The following GASK1B variants were observed in gnomAD, a reference collection of about 807,000 sequenced individuals.
GASK1B encodes the protein golgi associated kinase 1B, also known as Golgi-associated kinase 1B.
GASK1B carries 34 observed loss-of-function variants against 42.8 expected under a neutral mutation model. The ratio of observed to expected loss-of-function variants is 0.79; its 90% CI spans 0.60 to 1.06. The LOEUF is 1.06. Among genes scored for constraint, GASK1B ranks in the 50% least tolerant of loss-of-function variants. GASK1B has a pLI of 0.00. For missense variants in GASK1B, 686 were observed against 661.0 expected (o/e 1.04, Z -0.42); for synonymous variants, 262 against 259.1 (o/e 1.01, Z -0.11).
intron 3 of GASK1B, among the ~76,000 whole-genome samples, chr4:158,140,875 TCAC>T (rs892280534): frequency 3.9e-5 from 6 of 152,056 alleles, no homozygotes; most frequent in South Asian, 4.2e-4. Context: ...TCTAAAAAAT[TCAC>T]CACAAGGGTG....
intron 4 of GASK1B, among the ~76,000 whole-genome samples, chr4:158,129,170 C>T (rs983383906): frequency 8.5e-5 from 13 of 152,092 alleles, no homozygotes; most frequent in African/African-American, 3.1e-4. Context: ...CCCATTACTC[C>T]TCATAATGCA....
In GASK1B at chr4:158,170,786, T is replaced by G. The variant is rs1458091337; in HGVS notation, c.590A>C (p.Gln197Pro). The change falls in exon 2 of 5, where the codon CAG becomes CCG. Residue 197 changes from glutamine to proline, a missense_variant. By Grantham distance (76) the Gln-to-Pro change is moderately conservative (BLOSUM62 -1). Transcript: ENST00000585682. The part of the protein sequence containing the change: ...GVRAGGPDFL[Q>P]PSSRESNIRI... ...AATGTTGCTCTCCCTGGAGCTGGGC[T>G]GCAGGAAGTCTGGGCCCCCGGCTCG... 1.9e-6 allele frequency: 3 copies of G among 1,614,106 alleles called. No homozygotes were observed. The African/African-American group carries it at 4.0e-5, about 22-fold the overall frequency.
At position 158,130,685 on chromosome 4, in the gene GASK1B, C is replaced by T. The variant is rs551303679; in HGVS notation, c.1352+101G>A. The stretch of plus-strand genomic sequence containing the variant: ...CAGATTCCACATTCACAATTATTTT[C>T]AAGGGTTAAAATGATCAGATGTAAG... On this transcript the variant is annotated intron_variant, in intron 4 of 4. Coordinates refer to ENST00000585682, the MANE Select transcript of GASK1B (RefSeq NM_001128424.2). 36 of 897,206 alleles carry T rather than the reference C, an allele frequency of 4.0e-5. No individual in the cohort carries two copies. The East Asian group carries it at 8.4e-4, about 21-fold the overall frequency. The allele number at this position is 897,206 out of a possible 1,614,324, so 55.6% of individuals were successfully genotyped here.
Position 158,171,116 on chromosome 4 carries a change from T to C in GASK1B, c.260A>G (p.Asp87Gly), listed in dbSNP as rs762943186. The change falls in exon 2 of 5, where the codon GAT becomes GGT. Residue 87 changes from aspartate (D) to glycine (G), a missense_variant. Asp to Gly is a moderately conservative substitution (Grantham distance 94). Coordinates refer to ENST00000585682, the MANE Select transcript of GASK1B (RefSeq NM_001128424.2). ...GGACTCTGGAGGGGCCAGGGTACCA[T>C]CCAGGGGTATCTCAGGGAAGGATGG... ...AEPSFPEIPLDGTLAPPESQG... is the reference protein window; with the variant it reads ...AEPSFPEIPLGGTLAPPESQG... The C allele has an allele frequency of 6.2e-7, 1 of 1,609,340 alleles. No homozygotes were observed. The highest frequency in any genetic ancestry group is 1.1e-5 in the South Asian group (1 of 90,784).
Position 158,170,856 on chromosome 4 carries a change from T to C in GASK1B, c.520A>G (p.Lys174Glu), listed in dbSNP as rs1281644535. The change falls in exon 2 of 5, where the codon AAG (lysine) becomes GAG (glutamate). Residue 174 changes from lysine to glutamate, a missense_variant. Physicochemically the swap from Lys to Glu is moderately conservative, Grantham distance 56. Coordinates refer to ENST00000585682, the MANE Select transcript of GASK1B (RefSeq NM_001128424.2). ...PGYAQGANLVKIGERPWRLVR... is the reference protein window; with the variant it reads ...PGYAQGANLVEIGERPWRLVR... Reference sequence around the variant, plus strand: ...AACCTCCAGGGTCGCTCTCCAATCTTAACCAGGTTTGCTCCCTGAGCGTAC... The same window carrying C: ...AACCTCCAGGGTCGCTCTCCAATCTCAACCAGGTTTGCTCCCTGAGCGTAC... 3.1e-6 allele frequency: 5 copies of C among 1,614,224 alleles called. No individual in the cohort carries two copies. In the Admixed American group the frequency reaches 6.7e-5, roughly 22 times the overall value.
At chr4:158,142,657 T>C (rs1249788308) in intron 3 of GASK1B, among the ~76,000 whole-genome samples, 2 of 152,176 alleles carry the variant, frequency 1.3e-5, no homozygotes, top group African/African-American at 4.8e-5. Flanking sequence ...CATCAATAGC[T>C]GCTATTATCA....
At chr4:158,143,707 T>C (rs1482366816) in intron 3 of GASK1B, among the ~76,000 whole-genome samples, 1 of 152,114 alleles carries the variant, frequency 6.6e-6, no homozygotes, top group Non-Finnish European at 1.5e-5. Context: ...ATGTCATGAA[T>C]AAATATAGGC....
At chr4:158,154,033 GGCTTCT>G (rs1359782051) in intron 3 of GASK1B, among the ~76,000 whole-genome samples, 2 of 151,690 alleles carry the variant, frequency 1.3e-5, no homozygotes, top group East Asian at 3.9e-4. Flanking sequence ...TAAATTAAAA[GGCTTCT>G]GCATAGCAAA....
At position 158,142,936 on chromosome 4, in the gene GASK1B, T is replaced by G. The variant is rs1437013599; in HGVS notation, c.1126-11924A>C. Among the ~76,000 whole-genome samples the G allele has an allele frequency of 2.0e-5, 3 of 152,180 alleles. No individual in the cohort carries two copies. In the East Asian group the frequency reaches 5.8e-4, roughly 29 times the overall value. The stretch of plus-strand genomic sequence containing the variant: ...AAGATATAGAGATGAAGTCCATTGA[T>G]TAGAAGACACACCAACCAATCACAA... On this transcript the variant is annotated intron_variant, in intron 3 of 4. Coordinates refer to ENST00000585682, the MANE Select transcript of GASK1B (RefSeq NM_001128424.2).
chr4:158,130,906 G>A lies in GASK1B; in HGVS notation c.1232C>T (p.Ala411Val). The A allele has an allele frequency of 6.2e-7, 1 of 1,614,106 alleles. No individual in the cohort carries two copies. Among genetic ancestry groups the A allele is most frequent in the South Asian group, 1.1e-5 (1 of 91,078 alleles). The change falls in exon 4 of 5, where the codon GCT becomes GTT. Residue 411 changes from alanine (A) to valine (V), a missense_variant. Ala to Val is a moderately conservative substitution (Grantham distance 64). Coordinates refer to ENST00000585682, the MANE Select transcript of GASK1B (RefSeq NM_001128424.2). ...RPKCDDQGSAALAHIIQRKHD... is the reference protein window; with the variant it reads ...RPKCDDQGSAVLAHIIQRKHD... Reference sequence around the variant, plus strand: ...CTTTCGCTGGATAATGTGTGCTAGAGCCGCAGAACCTTGGTCATCACATTT... The same window carrying A: ...CTTTCGCTGGATAATGTGTGCTAGAACCGCAGAACCTTGGTCATCACATTT...
chr4:158,172,417 G>A (rs777891795), intron 1 of GASK1B: 14 of 152,192 alleles, frequency 9.2e-5, no homozygotes, highest in Non-Finnish European at 1.6e-4. Context: ...GCTGAGGCAT[G>A]TAAGTAGAAC....
chr4:158,146,313 CTATAA>C (rs1350265727), intron 3 of GASK1B, among the ~76,000 whole-genome samples: 6 of 151,526 alleles, frequency 4.0e-5, no homozygotes, highest in Non-Finnish European at 7.4e-5. Flanking sequence ...AGGCGAAGGC[CTATAA>C]TATAAGTACG....
rs1730440152 is a variant in GASK1B, at chr4:158,126,039, A to G, written c.*1368T>C. 6.6e-6 allele frequency: 1 copy of G among 152,166 alleles called. No individual in the cohort carries two copies. The highest frequency in any genetic ancestry group is 6.6e-5 in the Admixed American group (1 of 15,260). 9.4% of individuals were successfully genotyped at this position (152,166 alleles called of 1,614,324 possible). On this transcript the variant is annotated 3_prime_UTR_variant, in exon 5 of 5. Coordinates refer to ENST00000585682, the MANE Select transcript of GASK1B (RefSeq NM_001128424.2). Reference sequence around the variant, plus strand: ...CGTAACCGTGAAAAGACAGGAGAGAATGTATTATAAACATTCTCAAATTGT... The same window carrying G: ...CGTAACCGTGAAAAGACAGGAGAGAGTGTATTATAAACATTCTCAAATTGT...
At chr4:158,165,691 T>A (rs1732203671) in intron 2 of GASK1B, among the ~76,000 whole-genome samples, 1 of 152,188 alleles carries the variant, frequency 6.6e-6, no homozygotes, top group African/African-American at 2.4e-5. Flanking sequence ...CCCATAATTG[T>A]AGTAAGTTAT....
intron 3 of GASK1B, among the ~76,000 whole-genome samples, chr4:158,155,216 C>T (rs1731711412): frequency 6.6e-6 from 1 of 151,926 alleles, no homozygotes; most frequent in South Asian, 2.1e-4. Flanking sequence ...GACAGTGGGC[C>T]CTGAAAGAAA....
intron 4 of GASK1B, among the ~76,000 whole-genome samples, chr4:158,128,440 T>C (rs1730545552): frequency 6.6e-6 from 1 of 152,228 alleles, no homozygotes; most frequent in African/African-American, 2.4e-5. Flanking sequence ...GCAAAATTTC[T>C]AGATCAAAAA....
rs1032527678 is a variant in GASK1B at position 158,125,135 on chromosome 4, G to A, written c.*2272C>T. On this transcript the variant is annotated 3_prime_UTR_variant, in exon 5 of 5. Coordinates refer to ENST00000585682, the MANE Select transcript of GASK1B (RefSeq NM_001128424.2). ...TATTAGAATTAAAAGCCTGGCCTTC[G>A]GCTATCCATTAGTCAAAAATAATTC... 3 of 152,092 alleles carry A rather than the reference G, an allele frequency of 2.0e-5. No individual in the cohort carries two copies. The highest frequency in any genetic ancestry group is 2.9e-5 in the Non-Finnish European group (2 of 67,998). The allele number at this position is 152,092 out of a possible 1,614,324, so 9.4% of individuals were successfully genotyped here.
intron 3 of GASK1B, among the ~76,000 whole-genome samples, chr4:158,132,278 C>T (rs1730713222): frequency 6.6e-6 from 1 of 152,124 alleles, no homozygotes; most frequent in Non-Finnish European, 1.5e-5. Flanking sequence ...ATTAAATTCC[C>T]ATCTTTTTCT....
chr4:158,127,493 G>A lies in GASK1B; in HGVS notation c.1474C>T (p.Leu492Phe). The change falls in exon 5 of 5, where the codon CTT becomes TTT. Residue 492 changes from leucine (L) to phenylalanine (F), a missense_variant. Leu to Phe is a conservative substitution (Grantham distance 22, BLOSUM62 0). Transcript: ENST00000585682. ...SQGGRQGIEKLIDVIEHRAKI... is the reference protein window; with the variant it reads ...SQGGRQGIEKFIDVIEHRAKI... The stretch of plus-strand genomic sequence containing the variant: ...GCTCTGTGTTCTATTACATCGATAA[G>A]CTTTTCAATTCCTTGTCTACCTCCT... The A allele has an allele frequency of 6.2e-7, 1 of 1,613,708 alleles. No individual in the cohort carries two copies. The highest frequency in any genetic ancestry group is 8.5e-7 in the Non-Finnish European group (1 of 1,179,758).
Sources: gnomAD v4.1 joint callset for allele counts (sites outside exome capture counted in the v4.1 genomes callset) on GRCh38, gnomAD v4.1.1 for gene constraint, MANE v1.5 for transcripts, NCBI Gene and HGNC (gene_info 2026-07-23, HGNC 2026-07-21) for gene names.